AFF1: variants seen among roughly 807,000 people sequenced by gnomAD.
AFF1 encodes the protein ALF transcription elongation factor 1, also known as AF4/FMR2 family member 1.
Under a neutral mutation model 121.7 loss-of-function variants are expected in AFF1, and 48 were observed. That is an observed-to-expected ratio of 0.39 (90% confidence interval 0.31 to 0.50). AFF1 has a LOEUF of 0.50. Among genes scored for constraint, AFF1 ranks in the 20% least tolerant of loss-of-function variants. The pLI is 0.76. For missense variants in AFF1, 1,523 were observed against 1,511.7 expected (o/e 1.01, Z -0.12); for synonymous variants, 613 against 563.0 (o/e 1.09, Z -1.26).
chr4:86,993,462 T>G (rs1724885410), intron 2 of AFF1, among the ~76,000 whole-genome samples: 1 of 152,118 alleles, frequency 6.6e-6, no homozygotes. Flanking sequence ...TCAGGAAAAT[T>G]TAGGGATAGT....
intron 2 of AFF1, among the ~76,000 whole-genome samples, chr4:87,043,071 T>C (rs1007221137): frequency 6.6e-6 from 1 of 152,238 alleles, no homozygotes; most frequent in Non-Finnish European, 1.5e-5. Flanking sequence ...CCCTCCCTTT[T>C]GGATCCTGGA....
chr4:87,095,958 C>CA (rs1223611433), intron 8 of AFF1, among the ~76,000 whole-genome samples: 2 of 149,980 alleles, frequency 1.3e-5, no homozygotes, highest in Non-Finnish European at 2.9e-5. Context: ...GTTTTAGGCA[C>CA]AATATTTGTT....
chr4:86,967,755 G>A (rs1722635166), intron 2 of AFF1, among the ~76,000 whole-genome samples: 1 of 152,110 alleles, frequency 6.6e-6, no homozygotes, highest in Non-Finnish European at 1.5e-5. Flanking sequence ...CTGAAAGATG[G>A]GAAAGACTGA....
At chr4:87,082,510 CA>C (rs1723274864) in intron 4 of AFF1, among the ~76,000 whole-genome samples, 1 of 152,142 alleles carries the variant, frequency 6.6e-6, no homozygotes, top group East Asian at 1.9e-4. Context: ...GTTTTAAAAA[CA>C]GACTGCATCT....
intron 2 of AFF1, chr4:86,949,926 AC>A: frequency 6.2e-7 from 1 of 1,613,954 alleles, no homozygotes; most frequent in Non-Finnish European, 8.5e-7. Context: ...CGCGTCTTGG[AC>A]CCAGCGGGCC....
rs370960269 is a variant in AFF1 at position 87,115,224 on chromosome 4, G to A, written c.2391G>A (p.Gln797=). The A allele has an allele frequency of 6.6e-5, 107 of 1,614,044 alleles. 2 individuals carry two copies. The highest frequency in any genetic ancestry group is 1.0e-4 in the Admixed American group (6 of 60,010). ...GSRQRKAEDK[Q]PPAGKKHSSE... is the part of the protein sequence containing the mutation. ...GCCAGAGGAAAGCAGAAGATAAACA[G>A]CCGCCCGCAGGGAAGAAGCACAGCT... The change falls in exon 12 of 21, where the codon CAG becomes CAA. Residue 797 remains glutamine, a synonymous_variant. Coordinates refer to ENST00000395146, the MANE Select transcript of AFF1 (RefSeq NM_001166693.3).
At chr4:87,122,151 C>G (rs1727756129) in intron 12 of AFF1, among the ~76,000 whole-genome samples, 2 of 152,130 alleles carry the variant, frequency 1.3e-5, no homozygotes, top group Non-Finnish European at 2.9e-5. Context: ...GATATTTTAG[C>G]AAATTTTGAC....
chr4:87,023,508 T>C (rs1045809727), intron 2 of AFF1, among the ~76,000 whole-genome samples: 1 of 152,242 alleles, frequency 6.6e-6, no homozygotes, highest in African/African-American at 2.4e-5. Context: ...AATTCAACAA[T>C]GACTTTTTTC....
In AFF1 at chr4:87,127,833, G is replaced by T. The variant is rs1300402323; in HGVS notation, c.2964+130G>T. 1.2e-5 allele frequency: 11 copies of T among 894,752 alleles called. No homozygotes were observed. The South Asian group carries it at 1.3e-4, about 11-fold the overall frequency. The allele number at this position is 894,752 out of a possible 1,614,324, so 55.4% of individuals were successfully genotyped here. ...GGTGGAAGGAGGGGGTGCAGCAGGCGCAGGAGAAAGGAGTGTATGGGCCCT... is the reference window on the plus strand; with the variant it reads ...GGTGGAAGGAGGGGGTGCAGCAGGCTCAGGAGAAAGGAGTGTATGGGCCCT... On this transcript the variant is annotated intron_variant, in intron 16 of 20. Coordinates refer to ENST00000395146, the MANE Select transcript of AFF1 (RefSeq NM_001166693.3).
At chr4:86,991,384 G>A (rs1013093520) in intron 2 of AFF1, among the ~76,000 whole-genome samples, 10 of 151,746 alleles carry the variant, frequency 6.6e-5, no homozygotes, top group Non-Finnish European at 1.2e-4. Context: ...GGCGGACCTT[G>A]CAGTGAGCAG....
intron 4 of AFF1, among the ~76,000 whole-genome samples, chr4:87,072,826 C>G (rs1722230789): frequency 6.6e-6 from 1 of 152,150 alleles, no homozygotes; most frequent in African/African-American, 2.4e-5. Flanking sequence ...GCCAGTGTAC[C>G]CAGCCTCTTG....
rs1188906260 is a variant in AFF1 at position 87,141,009 on chromosome 4, CAAA to C, written c.*5313_*5315del. ...ATAAGAGGATCAAGCTGTAAAAAAA[CAAA>C]AAAATTAATAAAAATTTCGAGAAAT... On this transcript the variant is annotated 3_prime_UTR_variant, in exon 21 of 21. Transcript: ENST00000395146. The C allele has an allele frequency of 5.6e-6, 1 of 177,874 alleles. No individual in the cohort carries two copies. Among genetic ancestry groups the C allele is most frequent in the African/African-American group, 2.4e-5 (1 of 42,208 alleles). 11.0% of individuals were successfully genotyped at this position (177,874 alleles called of 1,614,324 possible). A position where few individuals can be genotyped will look rare whatever the true frequency, so the allele number is the denominator to read the frequency against.
intron 4 of AFF1, among the ~76,000 whole-genome samples, chr4:87,083,400 TTAAG>T (rs1350097600): frequency 2.1e-4 from 32 of 152,236 alleles, no homozygotes; most frequent in Non-Finnish European, 4.4e-4. Flanking sequence ...AATGCTGACT[TTAAG>T]TGAGATATTT....
At chr4:86,947,807 C>T (rs1041122874) in intron 1 of AFF1, among the ~76,000 whole-genome samples, 2 of 104,270 alleles carry the variant, frequency 1.9e-5, no homozygotes, top group South Asian at 3.6e-4. Flanking sequence ...TGTTTTATTT[C>T]GGTTTTTGTT....
At chr4:86,989,975 G>C (rs766871317) in intron 2 of AFF1, among the ~76,000 whole-genome samples, 4 of 152,008 alleles carry the variant, frequency 2.6e-5, no homozygotes, top group Non-Finnish European at 2.9e-5. Flanking sequence ...GAATTGAACA[G>C]TGAGAACACA....
intron 2 of AFF1, among the ~76,000 whole-genome samples, chr4:86,985,560 C>T (rs1724186316): frequency 6.6e-6 from 1 of 150,584 alleles, no homozygotes; most frequent in Non-Finnish European, 1.5e-5. Flanking sequence ...CCTGTAATCT[C>T]AGCTCCTCGG....
chr4:87,070,036 G>T (rs934264993), intron 4 of AFF1, among the ~76,000 whole-genome samples: 1 of 151,710 alleles, frequency 6.6e-6, no homozygotes, highest in African/African-American at 2.4e-5. Flanking sequence ...ATGGAGTCTC[G>T]CTTAGTCACC....
rs754971673 is a variant in AFF1, at chr4:87,135,590, T to C, written c.3546T>C (p.Ala1182=). The change falls in exon 21 of 21, where the codon GCT becomes GCC. Residue 1182 remains alanine, a synonymous_variant. Transcript: ENST00000395146. ...TTGTTTTTTTTGCAGAATTCTTTGC[T>C]CGGCTCAGCACAAATGTGTGCACCT... ...ALTRKNKEFF[A]RLSTNVCTLA... 6.3e-7 allele frequency: 1 copy of C among 1,576,618 alleles called. No individual in the cohort carries two copies. The highest frequency in any genetic ancestry group is 1.8e-5 in the Admixed American group (1 of 55,480).
chr4:87,063,453 G>C (rs1420024747), intron 4 of AFF1, among the ~76,000 whole-genome samples: 2 of 151,864 alleles, frequency 1.3e-5, no homozygotes, highest in African/African-American at 4.8e-5. Context: ...GGGTGAGGCT[G>C]TTCTCGAACT....
Sources: gnomAD v4.1 joint callset for allele counts (sites outside exome capture counted in the v4.1 genomes callset) on GRCh38, gnomAD v4.1.1 for gene constraint, MANE v1.5 for transcripts, NCBI Gene and HGNC (gene_info 2026-07-23, HGNC 2026-07-21) for gene names.